Variants in CTNNA3 observed in about 807,000 individuals in gnomAD.
CTNNA3 encodes the protein catenin alpha 3, also known as catenin alpha-3.
In CTNNA3, 76 loss-of-function variants were observed where a neutral mutation model predicts 95.7. The observed-to-expected ratio is 0.79, with a 90% CI of 0.66 to 0.96. CTNNA3 has a LOEUF of 0.96. CTNNA3 is among the 40% of genes least tolerant of loss of function. CTNNA3 has a pLI of 0.00. For missense variants in CTNNA3, 1,191 were observed against 1,089.8 expected (o/e 1.09, Z -1.31); for synonymous variants, 431 against 374.4 (o/e 1.15, Z -1.74).
intron 7 of CTNNA3, among the ~76,000 whole-genome samples, chr10:66,898,044 A>C (rs189183928): frequency 6.6e-6 from 1 of 152,342 alleles, no homozygotes; most frequent in East Asian, 1.9e-4. Context: ...AAAAGGACTC[A>C]GGAGCAAAAG....
In CTNNA3 at chr10:65,935,281, C is replaced by T. The variant is rs562223705; in HGVS notation, c.2401-14664G>A. On this transcript the variant is annotated intron_variant, in intron 17 of 17. Transcript: ENST00000433211. ...ATGCTAAAATGTGTTTTCGTAGGCT[C>T]CTATTATTTCAAGATTTTCAGAGAT... Among the ~76,000 whole-genome samples the T allele has an allele frequency of 1.6e-4, 24 of 152,120 alleles. No individual in the cohort carries two copies. The South Asian group carries it at 2.5e-3, about 16-fold the overall frequency.
chr10:66,217,352 CAA>C (rs34541755), intron 13 of CTNNA3, among the ~76,000 whole-genome samples: 16 of 128,160 alleles, frequency 1.2e-4, no homozygotes, highest in Admixed American at 2.4e-4. Context: ...GACTCTATCT[CAA>C]AAAAAAAAAA....
At chr10:67,412,576 C>T (rs988058909) in intron 5 of CTNNA3, among the ~76,000 whole-genome samples, 1 of 151,892 alleles carries the variant, frequency 6.6e-6, no homozygotes, top group Non-Finnish European at 1.5e-5. Flanking sequence ...AAGATCAATG[C>T]AAAAGAAGAA....
rs148765011 is a variant in CTNNA3 at position 67,250,221 on chromosome 10, C to G, written c.580-30351G>C. On this transcript the variant is annotated intron_variant, in intron 5 of 17. Transcript: ENST00000433211. The stretch of plus-strand genomic sequence containing the variant: ...GAAATCTAAGTATACAGAGGGCCAA[C>G]TTTTTTTTTTTTGAGATGGAGTCTC... Among the ~76,000 whole-genome samples, 247 of 145,810 alleles carry G rather than the reference C, an allele frequency of 1.7e-3. 3 individuals are homozygous for G. The highest frequency in any genetic ancestry group is 6.0e-3 in the African/African-American group (239 of 40,052).
intron 9 of CTNNA3, among the ~76,000 whole-genome samples, chr10:66,682,924 A>T (rs7098219): frequency 0.55 from 84,183 of 151,880 alleles, 24,080 homozygotes; most frequent in African/African-American, 0.68. Flanking sequence ...GAGGTCATGA[A>T]AATACTCATA....
intron 7 of CTNNA3, among the ~76,000 whole-genome samples, chr10:66,826,629 T>C (rs1842525084): frequency 6.6e-6 from 1 of 152,210 alleles, no homozygotes; most frequent in African/African-American, 2.4e-5. Context: ...AACTATTACA[T>C]GAGTACTTGA....
At chr10:67,713,816 A>G (rs144762134) in intron 1 of CTNNA3, among the ~76,000 whole-genome samples, 2 of 152,300 alleles carry the variant, frequency 1.3e-5, no homozygotes, top group East Asian at 3.9e-4. Context: ...GGAGAGCATT[A>G]AGACAAATAC....
intron 1 of CTNNA3, among the ~76,000 whole-genome samples, chr10:67,746,404 C>A (rs1213724607): frequency 6.6e-6 from 1 of 152,066 alleles, no homozygotes; most frequent in African/African-American, 2.4e-5. Context: ...TGGGGCGGAG[C>A]TGAGATGGCT....
chr10:66,642,140 C>G (rs1205598146), intron 9 of CTNNA3, among the ~76,000 whole-genome samples: 10 of 151,986 alleles, frequency 6.6e-5, no homozygotes, highest in African/African-American at 2.4e-4. Context: ...TCAGGCTCAT[C>G]TATCCCTAAC....
At chr10:67,541,946 T>C (rs1840696378) in intron 3 of CTNNA3, among the ~76,000 whole-genome samples, 3 of 152,080 alleles carry the variant, frequency 2.0e-5, no homozygotes, top group Admixed American at 2.0e-4. Context: ...TAAAACTAAA[T>C]ATATATCAAA....
intron 12 of CTNNA3, among the ~76,000 whole-genome samples, chr10:66,372,676 T>C (rs1589154517): frequency 6.6e-6 from 1 of 152,174 alleles, no homozygotes; most frequent in Non-Finnish European, 1.5e-5. Context: ...AATTTATTCA[T>C]AGTTCCACAT....
intron 7 of CTNNA3, 108 bp from the exon 8 acceptor site, chr10:66,775,632 G>A: frequency 1.4e-6 from 1 of 727,326 alleles, no homozygotes; most frequent in South Asian, 1.8e-5. Flanking sequence ...TCAAGAATAG[G>A]TTTCAAAACT....
chr10:67,357,619 T>C (rs1842857507), intron 5 of CTNNA3, among the ~76,000 whole-genome samples: 1 of 152,086 alleles, frequency 6.6e-6, no homozygotes, highest in African/African-American at 2.4e-5. Flanking sequence ...AGATAATTTA[T>C]AAATATAAAA....
intron 10 of CTNNA3, among the ~76,000 whole-genome samples, chr10:66,618,100 T>C (rs1442255556): frequency 6.6e-6 from 1 of 152,102 alleles, no homozygotes; most frequent in African/African-American, 2.4e-5. Context: ...TGCTCATGGA[T>C]AGGAAGAATC....
At chr10:66,018,187 T>TACACACACACACACACACAC (rs59373779) in intron 15 of CTNNA3, among the ~76,000 whole-genome samples, 2,850 of 142,074 alleles carry the variant, frequency 0.02, 42 homozygotes, top group Middle Eastern at 0.029. Flanking sequence ...ACAGCTCAAA[T>TACACACACACACACACACAC]ACACACACAC....
At chr10:67,701,207 T>C (rs571637883) in intron 1 of CTNNA3, among the ~76,000 whole-genome samples, 2 of 152,348 alleles carry the variant, frequency 1.3e-5, no homozygotes, top group East Asian at 3.9e-4. Flanking sequence ...CTCTGCAGGA[T>C]ATTATCCAGG....
chr10:67,668,098 A>G (rs994508336), intron 1 of CTNNA3, among the ~76,000 whole-genome samples: 1 of 152,148 alleles, frequency 6.6e-6, no homozygotes, highest in East Asian at 1.9e-4. Context: ...CTCCTGAACT[A>G]TGTCTCACTC....
chr10:65,963,986 C>T (rs2077906722), intron 17 of CTNNA3, among the ~76,000 whole-genome samples: 2 of 152,128 alleles, frequency 1.3e-5, no homozygotes, highest in South Asian at 2.1e-4. Flanking sequence ...TATTTTTAAC[C>T]CACTATATTT....
At chr10:67,456,866 G>C (rs1169706664) in intron 5 of CTNNA3, among the ~76,000 whole-genome samples, 3 of 152,072 alleles carry the variant, frequency 2.0e-5, no homozygotes, top group African/African-American at 7.2e-5. Flanking sequence ...TAACCAAGGT[G>C]ACTACTGCCC....
Sources: allele counts gnomAD v4.1 joint callset (sites outside exome capture counted in the v4.1 genomes callset), GRCh38; gene constraint gnomAD v4.1.1; transcripts MANE v1.5; gene names NCBI Gene and HGNC (gene_info 2026-07-23, HGNC 2026-07-21).